Variants in MEGF8 observed in about 807,000 individuals in gnomAD.
MEGF8 encodes multiple epidermal growth factor-like domains protein 8.
In MEGF8, 156 loss-of-function variants were observed where a neutral mutation model predicts 302.9. The ratio of observed to expected loss-of-function variants is 0.52; its 90% CI spans 0.45 to 0.59. The LOEUF (loss-of-function observed/expected upper bound fraction) is 0.59, where lower values mean the gene tolerates loss of function less well. Among genes scored for constraint, MEGF8 ranks in the 20% least tolerant of loss-of-function variants. The pLI is 0.00. For synonymous variants in MEGF8, 1,621 were observed against 1,660.5 expected, an observed-to-expected ratio of 0.98 and a Z score of 0.58; for missense variants, 3,345 against 3,964.5, an observed-to-expected ratio of 0.84 and a Z score of 4.20.
At chr19:42,331,161 C>A (rs958013741) in intron 1 of MEGF8, among the ~76,000 whole-genome samples, 2 of 152,170 alleles carry the variant, frequency 1.3e-5, no homozygotes, top group Admixed American at 6.5e-5. Flanking sequence ...GGAGTCATCA[C>A]CTCGTTGAAT....
Position 42,353,371 on chromosome 19 carries a change from C to A in MEGF8, c.3551-94C>A. ...GGGCCTTGGTTTCTCACCTTTGAAG[C>A]GGCTGGGTGGGGTCAGGGTTTAGCT... On this transcript the variant is annotated intron_variant, in intron 20 of 41. Transcript: ENST00000251268. This position sits in a 1 kb window ranked among gnomAD's most constrained non-coding sequence, Gnocchi z 6.1. The A allele has an allele frequency of 7.2e-7, 1 of 1,395,294 alleles. No individual in the cohort carries two copies. The highest frequency in any genetic ancestry group is 9.7e-7 in the Non-Finnish European group (1 of 1,026,150). 86.4% of individuals were successfully genotyped at this position (1,395,294 alleles called of 1,614,324 possible).
chr19:42,354,460 CT>C lies in MEGF8; in HGVS notation c.4012-127del. The stretch of plus-strand genomic sequence containing the variant: ...TTATGCCATAGTTTGACAGTCTCCC[CT>C]GGATGTTCAAACAGCCCATTTCCCA... On this transcript the variant is annotated intron_variant, in intron 22 of 41. Coordinates refer to ENST00000251268, the MANE Select transcript of MEGF8 (RefSeq NM_001271938.2). The surrounding 1 kb of genome is among the most constrained non-coding windows in gnomAD (Gnocchi z 4.3). The C allele has an allele frequency of 9.1e-7, 1 of 1,095,446 alleles. No individual in the cohort carries two copies. Among genetic ancestry groups the C allele is most frequent in the South Asian group, 1.5e-5 (1 of 68,338 alleles). 67.9% of individuals were successfully genotyped at this position (1,095,446 alleles called of 1,614,324 possible).
rs765632405 is a variant in MEGF8, at chr19:42,370,703, T to G, written c.7008T>G (p.Ile2336Met). 1.9e-6 allele frequency: 3 copies of G among 1,592,964 alleles called. No homozygotes were observed. The African/African-American group carries it at 4.0e-5, about 21-fold the overall frequency. The change falls in exon 40 of 42, where the codon ATT (isoleucine) becomes ATG (methionine). Residue 2336 changes from isoleucine (I) to methionine (M), a missense_variant and splice_region_variant. Transcript: ENST00000251268. The stretch of plus-strand genomic sequence containing the variant: ...TCACACTGTCCTTCCTTGGCCAGAT[T>G]GAAAACTGGGTGACAGAGGGTCCTA... ...PKKYSLDPEEIENWVTEGPSE... is the reference protein window; with the variant it reads ...PKKYSLDPEEMENWVTEGPSE...
rs2039083384 is a variant in MEGF8, at chr19:42,333,633, G to A, written c.216G>A (p.Leu72=). The A allele has an allele frequency of 1.2e-6, 2 of 1,613,956 alleles. No homozygotes were observed. Among genetic ancestry groups the A allele is most frequent in the Non-Finnish European group, 8.5e-7 (1 of 1,179,850 alleles). ...CAAGCCCCCAGCACCGGATCCTGCT[G>A]GACTTCCTTTTCCTGGACACAGAGT... The part of the protein sequence containing the change: ...EAPSPQHRIL[L]DFLFLDTECT... The change falls in exon 2 of 42, where the codon CTG becomes CTA. Residue 72 remains leucine, a synonymous_variant. Transcript: ENST00000251268.
At chr19:42,348,145 C>T (rs2039316792) in intron 12 of MEGF8, 127 bp from the exon 13 acceptor site, 1 of 856,928 alleles carries the variant, frequency 1.2e-6, no homozygotes, top group Non-Finnish European at 1.7e-6. Flanking sequence ...TAACCCCTGT[C>T]CCTCTGCCTC....
rs756780589 is a variant in MEGF8, at chr19:42,352,239, G to T, written c.3133G>T (p.Gly1045Cys). ...ACAGGGGGACTTCTCAGGGCCCCTC[G>T]GTGGGGGTAACTGCTCCCTGTGGGT... ...CLQGDFSGPLGGGNCSLWVGE... is the reference protein window; with the variant it reads ...CLQGDFSGPLCGGNCSLWVGE... Residue 1045 changes from glycine to cysteine, a missense_variant, in exon 19 of 42, where the codon GGT (glycine) becomes TGT (cysteine). Coordinates refer to ENST00000251268, the MANE Select transcript of MEGF8 (RefSeq NM_001271938.2). This position sits in a 1 kb window ranked among gnomAD's most constrained non-coding sequence, Gnocchi z 4.4. 9 of 1,554,908 alleles carry T rather than the reference G, an allele frequency of 5.8e-6. No individual in the cohort carries two copies. Among genetic ancestry groups the T allele is most frequent in the Non-Finnish European group, 7.0e-6 (8 of 1,146,522 alleles).
In MEGF8 at chr19:42,355,754, A is replaced by C; in HGVS notation, c.4145-4A>C. The stretch of plus-strand genomic sequence containing the variant: ...CTACCAGCCTCTGGCCTCTCTCTTC[A>C]CAGGGCTGCTCGTGCTGCACTGGGA... On this transcript the variant is annotated splice_polypyrimidine_tract_variant and splice_region_variant and intron_variant, in intron 23 of 41. Transcript: ENST00000251268. 2 of 1,572,942 alleles carry C rather than the reference A, an allele frequency of 1.3e-6. No individual in the cohort carries two copies. The highest frequency in any genetic ancestry group is 1.7e-6 in the Non-Finnish European group (2 of 1,156,856).
Position 42,336,342 on chromosome 19 carries a change from G to T in MEGF8, c.1240G>T (p.Ala414Ser). Residue 414 changes from alanine to serine, a missense_variant, in exon 6 of 42, where the codon GCC becomes TCC. By Grantham distance (99) the Ala-to-Ser change is moderately conservative. Coordinates refer to ENST00000251268, the MANE Select transcript of MEGF8 (RefSeq NM_001271938.2). This position sits in a 1 kb window ranked among gnomAD's most constrained non-coding sequence, Gnocchi z 4.8. The stretch of plus-strand genomic sequence containing the variant: ...CCATGGTGGACACCGGCCCTCCACT[G>T]CCCGGTAAGTGACCTGTCCCATAAC... ...LVHGGHRPSTARFSVRVNSTE... is the reference protein window; with the variant it reads ...LVHGGHRPSTSRFSVRVNSTE... The T allele has an allele frequency of 1.3e-6, 2 of 1,592,278 alleles. No individual in the cohort carries two copies. The highest frequency in any genetic ancestry group is 1.7e-6 in the Non-Finnish European group (2 of 1,170,570).
In MEGF8 at chr19:42,343,361, G is replaced by A. The variant is rs539674819; in HGVS notation, c.1514-116G>A. On this transcript the variant is annotated intron_variant, in intron 8 of 41. Transcript: ENST00000251268. ...TGGGAGAGTGTCCTTGGGCAGGTGAGGTTGAAGCAGCCACCGGAATAGAAG... is the reference window on the plus strand; with the variant it reads ...TGGGAGAGTGTCCTTGGGCAGGTGAAGTTGAAGCAGCCACCGGAATAGAAG... 7.4e-6 allele frequency: 9 copies of A among 1,208,784 alleles called. 1 individual carries two copies. In the South Asian group the frequency reaches 1.4e-4, roughly 18 times the overall value. 74.9% of individuals were successfully genotyped at this position (1,208,784 alleles called of 1,614,324 possible). A position where few individuals can be genotyped will look rare whatever the true frequency, so the allele number is the denominator to read the frequency against.
Position 42,360,826 on chromosome 19 carries a change from C to T in MEGF8, c.5540C>T (p.Ala1847Val), listed in dbSNP as rs765113981. The T allele has an allele frequency of 1.9e-6, 3 of 1,607,820 alleles. No individual in the cohort carries two copies. Among genetic ancestry groups the T allele is most frequent in the Non-Finnish European group, 2.5e-6 (3 of 1,177,708 alleles). The change falls in exon 32 of 42, where the codon GCA becomes GTA. Residue 1847 changes from alanine (A) to valine (V), a missense_variant. By Grantham distance (64) the Ala-to-Val change is moderately conservative. Coordinates refer to ENST00000251268, the MANE Select transcript of MEGF8 (RefSeq NM_001271938.2). ...GAGGAGTCTGTGGCCCATGCTGTGG[C>T]AGCAGTCGGGAGCCGCCTGTATATC... ...PMEESVAHAV[A>V]AVGSRLYISG... is the part of the protein sequence containing the mutation.
At chr19:42,338,849 T>G (rs1316166907) in intron 8 of MEGF8, among the ~76,000 whole-genome samples, 1 of 142,726 alleles carries the variant, frequency 7.0e-6, no homozygotes, top group African/African-American at 2.6e-5. Context: ...TTTTTTTTTT[T>G]TTTGAGACGG....
intron 23 of MEGF8, among the ~76,000 whole-genome samples, chr19:42,355,241 G>A (rs1013077409): frequency 6.6e-6 from 1 of 151,734 alleles, no homozygotes; most frequent in African/African-American, 2.4e-5. Context: ...ACAGACATAA[G>A]CTGCTGCGCC....
Position 42,356,042 on chromosome 19 carries a change from C to G in MEGF8, c.4392+37C>G. 1 of 1,601,556 alleles carries G rather than the reference C, an allele frequency of 6.2e-7. No individual in the cohort carries two copies. The highest frequency in any genetic ancestry group is 8.5e-7 in the Non-Finnish European group (1 of 1,171,328). ...AGAGGGCAAGTCTGGTGGGACAGGG[C>G]TGGTGATCAGGGCTCCCCTGAGTCC... On this transcript the variant is annotated intron_variant, in intron 24 of 41. Transcript: ENST00000251268. The surrounding 1 kb of genome is among the most constrained non-coding windows in gnomAD (Gnocchi z 5.2).
At chr19:42,371,741 C>CTA (rs2039693962) in intron 41 of MEGF8, among the ~76,000 whole-genome samples, 1 of 152,052 alleles carries the variant, frequency 6.6e-6, no homozygotes, top group African/African-American at 2.4e-5. Context: ...GTAGTCACAG[C>CTA]TAAAGGTGGC....
chr19:42,336,683 G>A lies in MEGF8; in HGVS notation c.1245-124G>A. The A allele has an allele frequency of 7.2e-7, 1 of 1,390,572 alleles. No homozygotes were observed. The highest frequency in any genetic ancestry group is 9.7e-7 in the Non-Finnish European group (1 of 1,035,658). The allele number at this position is 1,390,572 out of a possible 1,614,324, so 86.1% of individuals were successfully genotyped here. On this transcript the variant is annotated intron_variant, in intron 6 of 41. Coordinates refer to ENST00000251268, the MANE Select transcript of MEGF8 (RefSeq NM_001271938.2). The surrounding 1 kb of genome is among the most constrained non-coding windows in gnomAD (Gnocchi z 4.8). The stretch of plus-strand genomic sequence containing the variant: ...CCTGCCCACAGGGAACTTCTAGTTT[G>A]GAGGGGACATAGAGTCAGTCATGGC...
At chr19:42,327,029 G>C (rs555008100) in intron 1 of MEGF8, among the ~76,000 whole-genome samples, 1 of 152,114 alleles carries the variant, frequency 6.6e-6, no homozygotes, top group African/African-American at 2.4e-5. Flanking sequence ...TTGTGACTTT[G>C]AGCAGGTGGT....
In MEGF8 at chr19:42,363,283, C is replaced by T. The variant is rs149648037; in HGVS notation, c.6273+21C>T. ...AGCAGGTACTGCACCTGGCCAGGAC[C>T]GTGCCAGGCAAGGGCCCGGGCAGGT... On this transcript the variant is annotated intron_variant, in intron 35 of 41. Coordinates refer to ENST00000251268, the MANE Select transcript of MEGF8 (RefSeq NM_001271938.2). 925 of 1,566,882 alleles carry T rather than the reference C, an allele frequency of 5.9e-4. 5 individuals are homozygous for T. The African/African-American group carries it at 0.011, about 18-fold the overall frequency.
At position 42,354,132 on chromosome 19, in the gene MEGF8, G is replaced by GA; in HGVS notation, c.4011+108_4011+109insA. The stretch of plus-strand genomic sequence containing the variant: ...CTAGTATTGCTGTTTTTTTTTTTTT[G>GA]TTTTTTTAATCCTTCAAAACCCAAA... On this transcript the variant is annotated intron_variant, in intron 22 of 41. Transcript: ENST00000251268. The surrounding 1 kb of genome is among the most constrained non-coding windows in gnomAD (Gnocchi z 4.3). The GA allele has an allele frequency of 1.7e-6, 2 of 1,208,276 alleles. No homozygotes were observed. The highest frequency in any genetic ancestry group is 1.1e-6 in the Non-Finnish European group (1 of 904,516). 74.8% of individuals were successfully genotyped at this position (1,208,276 alleles called of 1,614,324 possible).
chr19:42,340,386 C>T (rs1482843659), intron 8 of MEGF8, among the ~76,000 whole-genome samples: 5 of 152,092 alleles, frequency 3.3e-5, no homozygotes, highest in Non-Finnish European at 7.4e-5. Flanking sequence ...TGTGCCACCA[C>T]ACCCGGCTAA....
Sources: allele counts gnomAD v4.1 joint callset (sites outside exome capture counted in the v4.1 genomes callset), GRCh38; gene constraint gnomAD v4.1.1; non-coding constraint Gnocchi (gnomAD v3.1); transcripts MANE v1.5; gene names NCBI Gene and HGNC (gene_info 2026-07-23, HGNC 2026-07-21).